ABLIM2: variants seen among roughly 807,000 people sequenced by gnomAD.
ABLIM2 encodes actin binding LIM protein family member 2, also known as actin-binding LIM protein 2.
In ABLIM2, 53 loss-of-function variants were observed where a neutral mutation model predicts 97.7. The observed-to-expected ratio is 0.54, with a 90% CI of 0.44 to 0.68. ABLIM2 has a LOEUF of 0.68. Among genes scored for constraint, ABLIM2 ranks in the 30% least tolerant of loss-of-function variants. The probability of loss-of-function intolerance (pLI) is 0.00; values close to 1 mark genes in which losing one functional copy is unlikely to be tolerated. For synonymous variants in ABLIM2, 361 were observed against 345.8 expected, an observed-to-expected ratio of 1.04 and a Z score of -0.49; for missense variants, 835 against 867.2, an observed-to-expected ratio of 0.96 and a Z score of 0.47.
chr4:8,024,181 G>T (rs1428000283), intron 12 of ABLIM2, among the ~76,000 whole-genome samples: 1 of 152,138 alleles, frequency 6.6e-6, no homozygotes, highest in African/African-American at 2.4e-5. Context: ...TCAGGCCAGG[G>T]GTTCAGAGTG....
At chr4:7,997,484 CT>C (rs1285470634) in intron 16 of ABLIM2, among the ~76,000 whole-genome samples, 1 of 152,154 alleles carries the variant, frequency 6.6e-6, no homozygotes, top group Non-Finnish European at 1.5e-5. Flanking sequence ...ATTTTTCCCC[CT>C]ATTTTCTCTT....
chr4:8,050,353 C>A (rs1016136373), intron 8 of ABLIM2, among the ~76,000 whole-genome samples: 1 of 152,204 alleles, frequency 6.6e-6, no homozygotes, highest in Non-Finnish European at 1.5e-5. Context: ...TCAGGGCCAC[C>A]TTCCAGGCTG....
intron 1 of ABLIM2, among the ~76,000 whole-genome samples, chr4:8,116,135 T>C (rs1449978164): frequency 6.6e-6 from 1 of 152,228 alleles, no homozygotes; most frequent in Non-Finnish European, 1.5e-5. Context: ...CACTGTGCCC[T>C]TTCTGAATGG....
intron 1 of ABLIM2, among the ~76,000 whole-genome samples, chr4:8,154,453 T>C (rs1165036942): frequency 6.6e-6 from 1 of 150,800 alleles, no homozygotes; most frequent in Non-Finnish European, 1.5e-5. Flanking sequence ...AGCTAATTTT[T>C]GTATTTTTAG....
At chr4:8,053,848 C>G (rs368155425) in intron 8 of ABLIM2, among the ~76,000 whole-genome samples, 96 of 152,224 alleles carry the variant, frequency 6.3e-4, no homozygotes, top group African/African-American at 2.2e-3. Flanking sequence ...CTTCTCTCCC[C>G]GTCCTGCCAC....
At chr4:8,048,293 A>T (rs1004099617) in intron 8 of ABLIM2, among the ~76,000 whole-genome samples, 1 of 152,138 alleles carries the variant, frequency 6.6e-6, no homozygotes, top group Non-Finnish European at 1.5e-5. Flanking sequence ...CTCAATATCC[A>T]TATGTTCTCC....
rs1820333382 is a variant in ABLIM2 at position 8,082,175 on chromosome 4, C to T, written c.455-1373G>A. 6.6e-6 allele frequency among the ~76,000 whole-genome samples: 1 copy of T among 152,072 alleles called. No homozygotes were observed. Among genetic ancestry groups the T allele is most frequent in the Admixed American group, 6.5e-5 (1 of 15,268 alleles). On this transcript the variant is annotated intron_variant, in intron 4 of 20. Transcript: ENST00000447017. This position sits in a 1 kb window ranked among gnomAD's most constrained non-coding sequence, Gnocchi z 5.6. ...AGGAGCCCCTGAGTAATTCACAGAC[C>T]AAGCAGGGACCCCTCGTGCCCAAGG... is the stretch of plus-strand genomic sequence containing the variant.
In ABLIM2 at chr4:8,019,576, C is replaced by T. The variant is rs757197383; in HGVS notation, c.1423+42G>A. 3 of 1,573,550 alleles carry T rather than the reference C, an allele frequency of 1.9e-6. No homozygotes were observed. The highest frequency in any genetic ancestry group is 2.6e-6 in the Non-Finnish European group (3 of 1,153,324). ...TCAGAAGCAGATGGGTATTGACAGG[C>T]ATGCGGGGCAAACCACAGCAGCGGG... On this transcript the variant is annotated intron_variant, in intron 14 of 20. Coordinates refer to ENST00000447017, the MANE Select transcript of ABLIM2 (RefSeq NM_001130083.2). This position sits in a 1 kb window ranked among gnomAD's most constrained non-coding sequence, Gnocchi z 4.3.
chr4:8,056,097 A>G (rs1798874523), intron 7 of ABLIM2, among the ~76,000 whole-genome samples: 1 of 120,684 alleles, frequency 8.3e-6, no homozygotes, highest in Non-Finnish European at 1.7e-5. Flanking sequence ...TGGGTAACAG[A>G]GCAAGACTCT....
rs190984670 is a variant in ABLIM2 at position 8,033,130 on chromosome 4, G to A, written c.1047+3019C>T. On this transcript the variant is annotated intron_variant, in intron 10 of 20. Coordinates refer to ENST00000447017, the MANE Select transcript of ABLIM2 (RefSeq NM_001130083.2). The surrounding 1 kb of genome is among the most constrained non-coding windows in gnomAD (Gnocchi z 4.5). ...CCTTTGGGTTGGAGACGGCTCTGCC[G>A]TGGGGGTCCTGGGGCCCTAGACAGC... 1.8e-3 allele frequency among the ~76,000 whole-genome samples: 273 copies of A among 152,330 alleles called. 1 individual carries two copies. Among genetic ancestry groups the A allele is most frequent in the African/African-American group, 6.1e-3 (253 of 41,590 alleles).
chr4:8,147,377 G>T lies in ABLIM2; in HGVS notation c.10+11303C>A, dbSNP rs1356440784. ...CAAGAGACTACCTGTGCCCGGCTGA[G>T]TAATGCCTCCCCCAGAAGATATCCC... On this transcript the variant is annotated intron_variant, in intron 1 of 20. Transcript: ENST00000447017. The surrounding 1 kb of genome is among the most constrained non-coding windows in gnomAD (Gnocchi z 5.3). Among the ~76,000 whole-genome samples, 1 of 152,196 alleles carries T rather than the reference G, an allele frequency of 6.6e-6. No homozygotes were observed. The highest frequency in any genetic ancestry group is 2.1e-4 in the South Asian group (1 of 4,826).
At chr4:8,000,652 C>A (rs1371987901) in intron 16 of ABLIM2, among the ~76,000 whole-genome samples, 1 of 152,112 alleles carries the variant, frequency 6.6e-6, no homozygotes, top group Non-Finnish European at 1.5e-5. Flanking sequence ...GTCCCCCACC[C>A]CACAGAATGA....
At chr4:8,101,486 C>CT (rs1181363189) in intron 2 of ABLIM2, among the ~76,000 whole-genome samples, 1 of 152,248 alleles carries the variant, frequency 6.6e-6, no homozygotes, top group African/African-American at 2.4e-5. Flanking sequence ...GTGCAGGCAT[C>CT]TTGCACCATT....
intron 11 of ABLIM2, among the ~76,000 whole-genome samples, chr4:8,028,521 G>A (rs532485675): frequency 2.0e-5 from 3 of 149,148 alleles, no homozygotes; most frequent in African/African-American, 7.4e-5. Flanking sequence ...TCATTTACTC[G>A]CTGACTCATT....
chr4:8,142,257 C>T (rs1460110143), intron 1 of ABLIM2, among the ~76,000 whole-genome samples: 1 of 152,190 alleles, frequency 6.6e-6, no homozygotes, highest in East Asian at 1.9e-4. Context: ...GCACTGACCC[C>T]CACTGCTGTA....
chr4:8,016,211 T>C (rs1769123752), intron 14 of ABLIM2, among the ~76,000 whole-genome samples: 1 of 151,978 alleles, frequency 6.6e-6, no homozygotes, highest in African/African-American at 2.4e-5. Context: ...GCCAGGTTAA[T>C]TTTGGTATTT....
chr4:7,993,282 G>A (rs939876281), intron 16 of ABLIM2, among the ~76,000 whole-genome samples: 1 of 152,254 alleles, frequency 6.6e-6, no homozygotes, highest in Non-Finnish European at 1.5e-5. Context: ...AGGAAGGGGC[G>A]CAGTCTCTGG....
At chr4:8,145,450 C>T (rs965852065) in intron 1 of ABLIM2, among the ~76,000 whole-genome samples, 2 of 152,072 alleles carry the variant, frequency 1.3e-5, no homozygotes, top group Admixed American at 6.5e-5. Context: ...TCCCAAAGTG[C>T]TGGGATTACA....
In ABLIM2 at chr4:8,127,533, G is replaced by T; in HGVS notation, c.11-20896C>A. On this transcript the variant is annotated intron_variant, in intron 1 of 20. Transcript: ENST00000447017. This position sits in a 1 kb window ranked among gnomAD's most constrained non-coding sequence, Gnocchi z 7.3. ...GCCGGATGGTCTGGGCAAAAGCGCAGTTTGGGGATTTACCTGTGTCTCCCC... is the reference window on the plus strand; with the variant it reads ...GCCGGATGGTCTGGGCAAAAGCGCATTTTGGGGATTTACCTGTGTCTCCCC... 7.8e-7 allele frequency: 1 copy of T among 1,289,784 alleles called. No homozygotes were observed. The highest frequency in any genetic ancestry group is 1.0e-6 in the Non-Finnish European group (1 of 988,860). The allele number at this position is 1,289,784 out of a possible 1,614,324, so 79.9% of individuals were successfully genotyped here.
Sources: allele counts gnomAD v4.1 joint callset (sites outside exome capture counted in the v4.1 genomes callset), GRCh38; gene constraint gnomAD v4.1.1; non-coding constraint Gnocchi (gnomAD v3.1); transcripts MANE v1.5; gene names NCBI Gene and HGNC (gene_info 2026-07-23, HGNC 2026-07-21).